Variants in LRP1B observed in about 807,000 individuals in gnomAD.
LRP1B encodes low-density lipoprotein receptor-related protein 1B.
Under a neutral mutation model 556.6 loss-of-function variants are expected in LRP1B, and 217 were observed. That is an observed-to-expected ratio of 0.39 (90% CI 0.35 to 0.44). LRP1B has a LOEUF of 0.44. LRP1B is among the 20% of genes least tolerant of loss of function. The pLI is 1.00. For synonymous variants in LRP1B, 2,047 were observed against 1,865.8 expected (o/e 1.10, Z -2.50); for missense variants, 5,053 against 5,620.8 (o/e 0.90, Z 3.23).
At chr2:141,776,463 G>A (rs1695076911) in intron 2 of LRP1B, among the ~76,000 whole-genome samples, 1 of 152,164 alleles carries the variant, frequency 6.6e-6, no homozygotes. Flanking sequence ...ATATTGTTTT[G>A]TGGATGTTAT....
At chr2:141,165,297 C>T (rs1027775801) in intron 7 of LRP1B, among the ~76,000 whole-genome samples, 1 of 151,866 alleles carries the variant, frequency 6.6e-6, no homozygotes, top group Non-Finnish European at 1.5e-5. Flanking sequence ...CCAGGCCCTT[C>T]CCAATATACT....
intron 3 of LRP1B, among the ~76,000 whole-genome samples, chr2:141,472,368 C>T (rs190198116): frequency 2.6e-5 from 4 of 152,130 alleles, no homozygotes; most frequent in East Asian, 1.9e-4. Flanking sequence ...AGTGAAATCC[C>T]GTCTGTACTA....
chr2:141,527,278 C>G (rs1308064971), intron 2 of LRP1B, among the ~76,000 whole-genome samples: 1 of 151,958 alleles, frequency 6.6e-6, no homozygotes, highest in African/African-American at 2.4e-5. Flanking sequence ...GGTCTTCTTA[C>G]AAGGAATATA....
intron 1 of LRP1B, among the ~76,000 whole-genome samples, chr2:142,032,452 A>T (rs1703742456): frequency 6.6e-6 from 1 of 151,782 alleles, no homozygotes; most frequent in South Asian, 2.1e-4. Flanking sequence ...TAGAAGCTGG[A>T]GAGAGTGACG....
At chr2:140,381,046 G>GT (rs1212974774) in intron 67 of LRP1B, among the ~76,000 whole-genome samples, 3 of 151,980 alleles carry the variant, frequency 2.0e-5, no homozygotes, top group South Asian at 2.1e-4. Context: ...ATTTATACAT[G>GT]TACAAATACC....
chr2:140,789,133 G>T (rs556386659), intron 32 of LRP1B, among the ~76,000 whole-genome samples: 73 of 152,212 alleles, frequency 4.8e-4, no homozygotes, highest in Non-Finnish European at 7.6e-4. Context: ...CTTATTCAGG[G>T]CAGGATAAAG....
At chr2:141,933,977 T>A (rs1340350887) in intron 1 of LRP1B, among the ~76,000 whole-genome samples, 1 of 152,004 alleles carries the variant, frequency 6.6e-6, no homozygotes, top group Non-Finnish European at 1.5e-5. Context: ...ATAAGCACTA[T>A]AAAGACTTCA....
intron 43 of LRP1B, among the ~76,000 whole-genome samples, chr2:140,593,156 T>C (rs1399586904): frequency 1.3e-5 from 2 of 152,206 alleles, no homozygotes; most frequent in African/African-American, 2.4e-5. Flanking sequence ...TCCTTTTCAT[T>C]CTAAAGAAAA....
At chr2:140,472,477 G>A (rs1341606154) in intron 60 of LRP1B, among the ~76,000 whole-genome samples, 1 of 152,012 alleles carries the variant, frequency 6.6e-6, no homozygotes, top group Admixed American at 6.6e-5. Context: ...TCCTAAGCTA[G>A]TAAATTGACC....
chr2:142,020,816 T>A (rs181503077), intron 1 of LRP1B, among the ~76,000 whole-genome samples: 22 of 152,326 alleles, frequency 1.4e-4, no homozygotes, highest in African/African-American at 5.3e-4. Flanking sequence ...TGGTCATACA[T>A]CTTCTAATTA....
intron 41 of LRP1B, among the ~76,000 whole-genome samples, chr2:140,629,166 G>A (rs1221493160): frequency 1.3e-5 from 2 of 151,536 alleles, no homozygotes; most frequent in African/African-American, 4.9e-5. Context: ...TGATTCTTGT[G>A]CTTCAGCCTC....
intron 72 of LRP1B, among the ~76,000 whole-genome samples, chr2:140,361,285 CT>C (rs1482250026): frequency 7.4e-6 from 1 of 135,806 alleles, no homozygotes; most frequent in African/African-American, 2.7e-5. Context: ...GATGATCATA[CT>C]ACAAGGCCAA....
chr2:141,050,211 A>C (rs766005007), intron 10 of LRP1B, among the ~76,000 whole-genome samples: 1 of 151,874 alleles, frequency 6.6e-6, no homozygotes, highest in Non-Finnish European at 1.5e-5. Flanking sequence ...AATAAAATAA[A>C]AAATAAGCAA....
intron 35 of LRP1B, among the ~76,000 whole-genome samples, chr2:140,760,135 A>T (rs1301986610): frequency 1.3e-5 from 2 of 152,200 alleles, no homozygotes; most frequent in African/African-American, 2.4e-5. Flanking sequence ...AATGAAAGAG[A>T]TGCTCAGGAT....
At chr2:141,356,008 T>C (rs1221896018) in intron 3 of LRP1B, among the ~76,000 whole-genome samples, 1 of 152,190 alleles carries the variant, frequency 6.6e-6, no homozygotes, top group Non-Finnish European at 1.5e-5. Flanking sequence ...GCCTGGAAAT[T>C]CCAACTATTC....
At chr2:140,668,636 C>T (rs548344022) in intron 41 of LRP1B, among the ~76,000 whole-genome samples, 129 of 152,070 alleles carry the variant, frequency 8.5e-4, no homozygotes, top group Non-Finnish European at 5.7e-4. Flanking sequence ...TGAAAATAAA[C>T]ATAAATTTTA....
chr2:141,484,684 A>T lies in LRP1B; in HGVS notation c.206-4151T>A, dbSNP rs375301044. 5.3e-3 allele frequency among the ~76,000 whole-genome samples: 807 copies of T among 151,900 alleles called. 10 individuals are homozygous for T. The highest frequency in any genetic ancestry group is 0.019 in the East Asian group (98 of 5,148). ...TCCTTGAAGAGGTCCTTCACATCCC[A>T]TGTAAGTTGGATTCCTAGGTATTTT... On this transcript the variant is annotated intron_variant, in intron 2 of 90. Coordinates refer to ENST00000389484, the MANE Select transcript of LRP1B (RefSeq NM_018557.3).
At chr2:141,920,287 G>GA (rs747321883) in intron 1 of LRP1B, among the ~76,000 whole-genome samples, 4 of 133,030 alleles carry the variant, frequency 3.0e-5, no homozygotes, top group African/African-American at 1.1e-4. Flanking sequence ...TTTGGGGGGG[G>GA]GTGGTAGGGA....
intron 43 of LRP1B, among the ~76,000 whole-genome samples, chr2:140,557,577 T>C (rs755056251): frequency 6.6e-6 from 1 of 152,120 alleles, no homozygotes; most frequent in African/African-American, 2.4e-5. Flanking sequence ...TCTCTGGAAC[T>C]ATTATCTACT....
Sources: gnomAD v4.1 joint callset for allele counts (sites outside exome capture counted in the v4.1 genomes callset) on GRCh38, gnomAD v4.1.1 for gene constraint, MANE v1.5 for transcripts, NCBI Gene and HGNC (gene_info 2026-07-23, HGNC 2026-07-21) for gene names.